LMNB1: variants seen among roughly 807,000 people sequenced by gnomAD.
The protein encoded by LMNB1 is lamin-B1.
Under a neutral mutation model 67.1 loss-of-function variants are expected in LMNB1, and 23 were observed. That is an observed-to-expected ratio of 0.34 (90% CI 0.25 to 0.49). LMNB1 has a LOEUF of 0.49. LMNB1 is among the 20% of genes least tolerant of loss of function. The pLI is 0.99. For missense variants in LMNB1, 634 were observed against 746.5 expected (o/e 0.85, Z 1.76); for synonymous variants, 281 against 282.9 (o/e 0.99, Z 0.07).
intron 3 of LMNB1, among the ~76,000 whole-genome samples, chr5:126,809,776 T>C (rs1246395320): frequency 6.6e-6 from 1 of 152,250 alleles, no homozygotes; most frequent in African/African-American, 2.4e-5. Flanking sequence ...ACTTTCCATG[T>C]GCTGTTTTTT....
intron 5 of LMNB1, among the ~76,000 whole-genome samples, chr5:126,815,957 A>G (rs1751693863): frequency 1.3e-5 from 2 of 152,186 alleles, no homozygotes; most frequent in Non-Finnish European, 2.9e-5. Context: ...GGGTTTATAA[A>G]TCTCGGCTCA....
At position 126,777,575 on chromosome 5, in the gene LMNB1, A is replaced by T; in HGVS notation, c.67A>T (p.Ser23Cys). Residue 23 changes from serine to cysteine, a missense_variant, in exon 1 of 11, where the codon AGC becomes TGC. Physicochemically the swap from Ser to Cys is moderately radical, Grantham distance 112 (BLOSUM62 -1). Transcript: ENST00000261366. ...SRAGGPTTPL[S>C]PTRLSRLQEK... ...CGCTGGCGGCCCCACCACGCCGCTG[A>T]GCCCCACGCGCCTGTCGCGGCTCCA... The T allele has an allele frequency of 6.6e-7, 1 of 1,512,312 alleles. No individual in the cohort carries two copies. Among genetic ancestry groups the T allele is most frequent in the Non-Finnish European group, 8.8e-7 (1 of 1,130,082 alleles). The allele number at this position is 1,512,312 out of a possible 1,614,324, so 93.7% of individuals were successfully genotyped here.
intron 1 of LMNB1, among the ~76,000 whole-genome samples, chr5:126,799,114 G>A (rs972296163): frequency 5.9e-5 from 9 of 151,780 alleles, no homozygotes; most frequent in African/African-American, 2.2e-4. Flanking sequence ...GCCCCCTGGG[G>A]TTCACGCCAT....
At chr5:126,796,659 T>A (rs1042161428) in intron 1 of LMNB1, among the ~76,000 whole-genome samples, 4 of 152,104 alleles carry the variant, frequency 2.6e-5, no homozygotes, top group Admixed American at 6.6e-5. Context: ...TGGTACTAGG[T>A]TTTATTGGGA....
intron 1 of LMNB1, among the ~76,000 whole-genome samples, chr5:126,796,820 G>A (rs1751108109): frequency 8.7e-6 from 1 of 115,004 alleles, no homozygotes. Flanking sequence ...ATAGAGCTTC[G>A]CTCTTTGACC....
rs188960629 is a variant in LMNB1 at position 126,800,149 on chromosome 5, C to T, written c.360-4627C>T. ...TTTTAACAGAAATTTTATTGAGTAT[C>T]CCCACCCTATACCAGACATTGCCAG... On this transcript the variant is annotated intron_variant, in intron 1 of 10. Transcript: ENST00000261366. Among the ~76,000 whole-genome samples the T allele has an allele frequency of 2.6e-5, 4 of 152,232 alleles. No individual in the cohort carries two copies. In the East Asian group the frequency reaches 7.7e-4, roughly 29 times the overall value.
chr5:126,779,729 C>T (rs1050237019), intron 1 of LMNB1, among the ~76,000 whole-genome samples: 1 of 151,812 alleles, frequency 6.6e-6, no homozygotes, highest in African/African-American at 2.4e-5. Flanking sequence ...GAAACCCCGT[C>T]TCTACTAAAA....
intron 9 of LMNB1, 56 bp downstream of exon 9, chr5:126,826,163 G>A: frequency 6.4e-7 from 1 of 1,555,548 alleles, no homozygotes; most frequent in South Asian, 1.2e-5. Flanking sequence ...AGTTCACTGT[G>A]CAAGTATAAT....
chr5:126,805,009 T>G, intron 2 of LMNB1, 77 bp downstream of exon 2: 1 of 1,198,458 alleles, frequency 8.3e-7, no homozygotes, highest in Non-Finnish European at 1.2e-6. Flanking sequence ...TTTGATTGAT[T>G]GATTGATTTT....
chr5:126,836,927 T>C lies in LMNB1; in HGVS notation c.*663T>C, dbSNP rs906510380. The C allele has an allele frequency of 5.0e-6, 2 of 397,984 alleles. No individual in the cohort carries two copies. The highest frequency in any genetic ancestry group is 4.1e-5 in the African/African-American group (2 of 48,596). The allele number at this position is 397,984 out of a possible 1,614,324, so 24.7% of individuals were successfully genotyped here. A position where few individuals can be genotyped will look rare whatever the true frequency, so the allele number is the denominator to read the frequency against. ...AGGTGGAGGGAGGGAAGGGTTTCTC[T>C]ATTAAAATGCATTCGTTGTGTTTTT... On this transcript the variant is annotated 3_prime_UTR_variant, in exon 11 of 11. Coordinates refer to ENST00000261366, the MANE Select transcript of LMNB1 (RefSeq NM_005573.4).
intron 3 of LMNB1, among the ~76,000 whole-genome samples, chr5:126,806,342 A>T (rs1342259501): frequency 1.3e-5 from 2 of 152,234 alleles, no homozygotes; most frequent in African/African-American, 4.8e-5. Flanking sequence ...TGCCTAACAA[A>T]TTACTTCCAA....
chr5:126,783,899 G>A (rs1459989867), intron 1 of LMNB1, among the ~76,000 whole-genome samples: 1 of 151,536 alleles, frequency 6.6e-6, no homozygotes, highest in Non-Finnish European at 1.5e-5. Flanking sequence ...GTTGAGTAAT[G>A]GGACCCTGTA....
intron 1 of LMNB1, among the ~76,000 whole-genome samples, chr5:126,789,683 T>A (rs937582292): frequency 6.6e-6 from 1 of 151,750 alleles, no homozygotes; most frequent in Non-Finnish European, 1.5e-5. Context: ...TCCTTTGAAT[T>A]TTTTTTTTGA....
intron 1 of LMNB1, among the ~76,000 whole-genome samples, chr5:126,803,859 C>T (rs1197189228): frequency 6.6e-6 from 1 of 152,124 alleles, no homozygotes; most frequent in Non-Finnish European, 1.5e-5. Context: ...CCCTGAACCT[C>T]AGTTTTTTGG....
rs1751678916 is a variant in LMNB1 at position 126,815,232 on chromosome 5, TG to T, written c.939+3336del. On this transcript the variant is annotated intron_variant, in intron 5 of 10. Transcript: ENST00000261366. Reference sequence around the variant, plus strand: ...CTATTAGGCCATAAGAATTTCCTTTTGGTTAAATAACTCAGGTTAGTGAAGT... The same window carrying T: ...CTATTAGGCCATAAGAATTTCCTTTTGTTAAATAACTCAGGTTAGTGAAGT... The T allele has an allele frequency of 3.3e-5, 5 of 152,256 alleles. No homozygotes were observed. The South Asian group carries it at 1.0e-3, about 32-fold the overall frequency. The allele number at this position is 152,256 out of a possible 1,614,324, so 9.4% of individuals were successfully genotyped here.
rs1751862632 is a variant in LMNB1, at chr5:126,821,276, A to G, written c.1386+141A>G. On this transcript the variant is annotated intron_variant, in intron 7 of 10. Transcript: ENST00000261366. ...GTTTATGTCCTTTTTACTTAAATTC[A>G]TAAAATAAAATAAAAATTAAAATAG... 5.0e-6 allele frequency: 3 copies of G among 595,572 alleles called. No homozygotes were observed. The South Asian group carries it at 6.7e-5, about 13-fold the overall frequency. The allele number at this position is 595,572 out of a possible 1,614,324, so 36.9% of individuals were successfully genotyped here. A position where few individuals can be genotyped will look rare whatever the true frequency, so the allele number is the denominator to read the frequency against.
rs183994375 is a variant in LMNB1 at position 126,832,264 on chromosome 5, T to A, written c.1612-430T>A. 6.8e-4 allele frequency among the ~76,000 whole-genome samples: 103 copies of A among 151,422 alleles called. No individual in the cohort carries two copies. The East Asian group carries it at 0.013, about 20-fold the overall frequency. On this transcript the variant is annotated intron_variant, in intron 9 of 10. Transcript: ENST00000261366. Reference sequence around the variant, plus strand: ...GCCTGGGCGACAGAGTGAGACTCTGTCTCCAAAAAAAGGGATGAATAATAG... The same window carrying A: ...GCCTGGGCGACAGAGTGAGACTCTGACTCCAAAAAAAGGGATGAATAATAG...
At chr5:126,813,909 T>G (rs1211919500) in intron 5 of LMNB1, among the ~76,000 whole-genome samples, 1 of 152,150 alleles carries the variant, frequency 6.6e-6, no homozygotes, top group African/African-American at 2.4e-5. Flanking sequence ...TTTTTTTTTC[T>G]TCTGAGACAG....
chr5:126,785,332 G>A (rs1317841843), intron 1 of LMNB1, among the ~76,000 whole-genome samples: 25 of 129,314 alleles, frequency 1.9e-4, no homozygotes, highest in African/African-American at 7.1e-4. Context: ...TTGCTCTGTC[G>A]CCAGGCTGGA....
Sources: gnomAD v4.1 joint callset for allele counts (sites outside exome capture counted in the v4.1 genomes callset) on GRCh38, gnomAD v4.1.1 for gene constraint, MANE v1.5 for transcripts, NCBI Gene and HGNC (gene_info 2026-07-23, HGNC 2026-07-21) for gene names.